The following SKI variants were observed in gnomAD, a reference collection of about 807,000 sequenced individuals.
SKI encodes ski oncogene.
Under a neutral mutation model 59.3 loss-of-function variants are expected in SKI, and 23 were observed. The observed-to-expected ratio is 0.39, with a 90% CI of 0.28 to 0.55. SKI has a LOEUF of 0.55. SKI is among the 20% of genes least tolerant of loss of function. The probability of loss-of-function intolerance (pLI) is 0.67; values close to 1 mark genes in which losing one functional copy is unlikely to be tolerated. For synonymous variants in SKI, 673 were observed against 488.6 expected, an observed-to-expected ratio of 1.38 and a Z score of -4.98; for missense variants, 1,017 against 1,038.9, an observed-to-expected ratio of 0.98 and a Z score of 0.29.
chr1:2,308,614 T>C lies in SKI; in HGVS notation c.*1849T>C, dbSNP rs140979905. On this transcript the variant is annotated 3_prime_UTR_variant, in exon 7 of 7. Transcript: ENST00000378536. ...TGTTTTACCAGAGTTGTTTTTTTTT[T>C]CAGTTATTTCTTCAAGGGAAACTAA... is the stretch of plus-strand genomic sequence containing the variant. 146 of 152,210 alleles carry C rather than the reference T, an allele frequency of 9.6e-4. No individual in the cohort carries two copies. Among genetic ancestry groups the C allele is most frequent in the African/African-American group, 3.3e-3 (136 of 41,534 alleles). The allele number at this position is 152,210 out of a possible 1,614,324, so 9.4% of individuals were successfully genotyped here. A position where few individuals can be genotyped will look rare whatever the true frequency, so the allele number is the denominator to read the frequency against.
intron 1 of SKI, among the ~76,000 whole-genome samples, chr1:2,261,941 C>T (rs1639396271): frequency 7.5e-6 from 1 of 132,814 alleles, no homozygotes; most frequent in Non-Finnish European, 1.6e-5. Context: ...AGTGGACGCC[C>T]TCGCTCCTGA....
At chr1:2,271,955 C>G (rs1159647155) in intron 1 of SKI, among the ~76,000 whole-genome samples, 1 of 152,174 alleles carries the variant, frequency 6.6e-6, no homozygotes, top group East Asian at 1.9e-4. Flanking sequence ...GAGAGACACT[C>G]CGGGCCACTG....
At chr1:2,271,363 C>A (rs567315427) in intron 1 of SKI, among the ~76,000 whole-genome samples, 51 of 152,132 alleles carry the variant, frequency 3.4e-4, no homozygotes, top group Non-Finnish European at 1.3e-4. Flanking sequence ...GCAGCCTCTC[C>A]CGCCGGGAGA....
In SKI at chr1:2,267,820, C is replaced by G. The variant is rs1639531931; in HGVS notation, c.970-35158C>G. Among the ~76,000 whole-genome samples the G allele has an allele frequency of 6.6e-6, 1 of 152,206 alleles. No individual in the cohort carries two copies. Among genetic ancestry groups the G allele is most frequent in the Non-Finnish European group, 1.5e-5 (1 of 68,030 alleles). On this transcript the variant is annotated intron_variant, in intron 1 of 6. Coordinates refer to ENST00000378536, the MANE Select transcript of SKI (RefSeq NM_003036.4). The surrounding 1 kb of genome is among the most constrained non-coding windows in gnomAD (Gnocchi z 4.1). ...CACGGTCACACGGTCTCCAAATGAG[C>G]AGGAACACCTTGCATGCCCTGCGAG... is the stretch of plus-strand genomic sequence containing the variant.
In SKI at chr1:2,262,104, C is replaced by T. The variant is rs900017987; in HGVS notation, c.969+32369C>T. ...GTGGTGGGAGTGGACACCCTCGCTC[C>T]TGATCTCCTGGTCTGGAAGGCGTGG... On this transcript the variant is annotated intron_variant, in intron 1 of 6. Transcript: ENST00000378536. Among the ~76,000 whole-genome samples the T allele has an allele frequency of 6.4e-5, 9 of 140,602 alleles. 1 individual carries two copies. Among genetic ancestry groups the T allele is most frequent in the African/African-American group, 2.5e-4 (9 of 36,328 alleles). 92.2% of individuals were successfully genotyped at this position (140,602 alleles called of 152,430 possible). A position where few individuals can be genotyped will look rare whatever the true frequency, so the allele number is the denominator to read the frequency against.
intron 1 of SKI, among the ~76,000 whole-genome samples, chr1:2,287,201 C>T (rs929198982): frequency 2.0e-5 from 3 of 151,986 alleles, no homozygotes; most frequent in Non-Finnish European, 4.4e-5. Flanking sequence ...GTGCGGGGCT[C>T]CAGGGCGCCT....
chr1:2,235,106 G>A (rs1352707015), intron 1 of SKI, among the ~76,000 whole-genome samples: 4 of 151,128 alleles, frequency 2.6e-5, no homozygotes, highest in Admixed American at 6.6e-5. Flanking sequence ...GCAGTGGTGC[G>A]ATCTTGGCTC....
rs1638592700 is a variant in SKI, at chr1:2,229,863, C to T, written c.969+128C>T. 1.3e-6 allele frequency: 2 copies of T among 1,492,568 alleles called. No individual in the cohort carries two copies. Among genetic ancestry groups the T allele is most frequent in the East Asian group, 2.5e-5 (1 of 40,358 alleles). The allele number at this position is 1,492,568 out of a possible 1,614,324, so 92.5% of individuals were successfully genotyped here. On this transcript the variant is annotated intron_variant, in intron 1 of 6. Coordinates refer to ENST00000378536, the MANE Select transcript of SKI (RefSeq NM_003036.4). This position sits in a 1 kb window ranked among gnomAD's most constrained non-coding sequence, Gnocchi z 6.3. ...CCGTGCCCCATGTCTCCAGTCTTCGCTTTGTTTTAGGGAAATTCAGAGTGT... is the reference window on the plus strand; with the variant it reads ...CCGTGCCCCATGTCTCCAGTCTTCGTTTTGTTTTAGGGAAATTCAGAGTGT...
chr1:2,301,214 C>T (rs1364763767), intron 1 of SKI, among the ~76,000 whole-genome samples: 1 of 152,224 alleles, frequency 6.6e-6, no homozygotes, highest in Non-Finnish European at 1.5e-5. Context: ...GGCACCCGCC[C>T]CTGCCAGGCA....
chr1:2,303,763 AG>A lies in SKI; in HGVS notation c.1212-72del. On this transcript the variant is annotated intron_variant, in intron 3 of 6. Coordinates refer to ENST00000378536, the MANE Select transcript of SKI (RefSeq NM_003036.4). This position sits in a 1 kb window ranked among gnomAD's most constrained non-coding sequence, Gnocchi z 5.6. ...AGTCTTTCCTGTTTAACACCTTCAGAGGGGGTGTGCGCCAGGATGTGTCTGG... is the reference window on the plus strand; with the variant it reads ...AGTCTTTCCTGTTTAACACCTTCAGAGGGGTGTGCGCCAGGATGTGTCTGG... The A allele has an allele frequency of 1.9e-6, 3 of 1,557,696 alleles. No individual in the cohort carries two copies. Among genetic ancestry groups the A allele is most frequent in the African/African-American group, 2.7e-5 (2 of 73,914 alleles).
intron 1 of SKI, among the ~76,000 whole-genome samples, chr1:2,277,377 A>G (rs1196904582): frequency 6.6e-6 from 1 of 152,126 alleles, no homozygotes; most frequent in African/African-American, 2.4e-5. Context: ...AGGGGAGGCA[A>G]TTGAATCATC....
intron 1 of SKI, 78 bp from the exon 2 acceptor site, chr1:2,302,900 A>G (rs1640460990): frequency 1.9e-6 from 3 of 1,584,690 alleles, no homozygotes; most frequent in East Asian, 4.5e-5. Flanking sequence ...TCTGACTGCC[A>G]TGTGCCAGCC....
At chr1:2,282,484 T>C (rs182822534) in intron 1 of SKI, among the ~76,000 whole-genome samples, 1,728 of 70,450 alleles carry the variant, frequency 0.025, 73 homozygotes, top group Middle Eastern at 0.064. Context: ...CAGGCGGTGG[T>C]GGAGATCTTC....
chr1:2,276,062 T>C (rs984838874), intron 1 of SKI, among the ~76,000 whole-genome samples: 3 of 152,240 alleles, frequency 2.0e-5, no homozygotes, highest in African/African-American at 4.8e-5. Context: ...TGTTCTTTTC[T>C]TTGGTTCACA....
intron 1 of SKI, among the ~76,000 whole-genome samples, chr1:2,251,517 G>A (rs1639147316): frequency 6.6e-6 from 1 of 152,176 alleles, no homozygotes; most frequent in African/African-American, 2.4e-5. Context: ...CGTATGGTGT[G>A]TTCACTCCTG....
intron 1 of SKI, among the ~76,000 whole-genome samples, chr1:2,251,184 G>A (rs1322990656): frequency 6.6e-6 from 1 of 152,106 alleles, no homozygotes; most frequent in East Asian, 1.9e-4. Flanking sequence ...GCTGCGGACC[G>A]TGTTCGGAAA....
chr1:2,299,985 C>G (rs1221522695), intron 1 of SKI, among the ~76,000 whole-genome samples: 3 of 152,232 alleles, frequency 2.0e-5, no homozygotes, highest in Admixed American at 2.0e-4. Flanking sequence ...GGGCCACCGC[C>G]TCTGCATAGG....
At position 2,268,062 on chromosome 1, in the gene SKI, C is replaced by T. The variant is rs938069315; in HGVS notation, c.970-34916C>T. ...GCAGGTTCCCACAGGCCAGGGCACT[C>T]CCAACAGCACTGCGTGGAGCTGGTG... On this transcript the variant is annotated intron_variant, in intron 1 of 6. Coordinates refer to ENST00000378536, the MANE Select transcript of SKI (RefSeq NM_003036.4). This position sits in a 1 kb window ranked among gnomAD's most constrained non-coding sequence, Gnocchi z 5.0. 6.6e-6 allele frequency among the ~76,000 whole-genome samples: 1 copy of T among 152,186 alleles called. No individual in the cohort carries two copies. Among genetic ancestry groups the T allele is most frequent in the African/African-American group, 2.4e-5 (1 of 41,448 alleles).
intron 1 of SKI, chr1:2,240,663 C>G (rs540006627): frequency 9.1e-6 from 9 of 985,322 alleles, no homozygotes; most frequent in African/African-American, 5.2e-5. Context: ...TGGAATTCTT[C>G]GAAGTGAAGC....
Sources: allele counts gnomAD v4.1 joint callset (sites outside exome capture counted in the v4.1 genomes callset), GRCh38; gene constraint gnomAD v4.1.1; non-coding constraint Gnocchi (gnomAD v3.1); transcripts MANE v1.5; gene names NCBI Gene and HGNC (gene_info 2026-07-23, HGNC 2026-07-21).